The following CNTNAP2 variants were observed in gnomAD, a reference collection of about 807,000 sequenced individuals.
CNTNAP2 encodes the protein contactin-associated protein-like 2.
A neutral mutation model predicts 155.2 loss-of-function variants in CNTNAP2; 98 were observed. That is an observed-to-expected ratio of 0.63 (90% confidence interval 0.54 to 0.75). The LOEUF (loss-of-function observed/expected upper bound fraction) is 0.75, where lower values mean the gene tolerates loss of function less well. Among genes scored for constraint, CNTNAP2 ranks in the 30% least tolerant of loss-of-function variants. The pLI is 0.00. For missense variants in CNTNAP2, 1,727 were observed against 1,688.1 expected (o/e 1.02, Z -0.40); for synonymous variants, 651 against 631.2 (o/e 1.03, Z -0.47).
At chr7:147,350,800 A>G (rs1795955165) in intron 9 of CNTNAP2, among the ~76,000 whole-genome samples, 1 of 151,862 alleles carries the variant, frequency 6.6e-6, no homozygotes, top group Non-Finnish European at 1.5e-5. Context: ...AATAGGAACT[A>G]TTTGTTCCTA....
At chr7:146,698,255 CTCTT>C (rs1156418936) in intron 1 of CNTNAP2, among the ~76,000 whole-genome samples, 7 of 151,922 alleles carry the variant, frequency 4.6e-5, no homozygotes, top group African/African-American at 1.5e-4. Context: ...TTCTTAAATA[CTCTT>C]TCTTTATGTA....
chr7:148,251,919 C>T lies in CNTNAP2; in HGVS notation c.3382-15114C>T, dbSNP rs566424422. Among the ~76,000 whole-genome samples the T allele has an allele frequency of 3.9e-5, 6 of 152,314 alleles. No homozygotes were observed. In the South Asian group the frequency reaches 6.2e-4, roughly 16 times the overall value. On this transcript the variant is annotated intron_variant, in intron 20 of 23. Transcript: ENST00000361727. The stretch of plus-strand genomic sequence containing the variant: ...CATGCTGTAGCCCCAGTTCCATATA[C>T]GTACCACAGCCACCAACACAGGAGC...
intron 1 of CNTNAP2, among the ~76,000 whole-genome samples, chr7:146,468,181 T>C (rs969289957): frequency 6.6e-6 from 1 of 151,990 alleles, no homozygotes; most frequent in Non-Finnish European, 1.5e-5. Context: ...CGAAGAAAAC[T>C]AAGAATAATA....
chr7:147,636,199 C>A (rs892883477), intron 12 of CNTNAP2, among the ~76,000 whole-genome samples: 2 of 152,004 alleles, frequency 1.3e-5, no homozygotes, highest in African/African-American at 2.4e-5. Context: ...AAATATATTA[C>A]CATGGGGGAC....
chr7:146,924,741 T>C (rs540840257), intron 3 of CNTNAP2, among the ~76,000 whole-genome samples: 2 of 152,278 alleles, frequency 1.3e-5, no homozygotes, highest in South Asian at 4.1e-4. Flanking sequence ...ATCTTAATTG[T>C]AGTTCTCATT....
At chr7:147,286,833 A>T (rs1313950173) in intron 8 of CNTNAP2, among the ~76,000 whole-genome samples, 1 of 151,962 alleles carries the variant, frequency 6.6e-6, no homozygotes, top group African/African-American at 2.4e-5. Context: ...TCTCCTTCAC[A>T]TTCTCAAATC....
chr7:146,978,688 A>T (rs1481309707), intron 3 of CNTNAP2, among the ~76,000 whole-genome samples: 1 of 151,446 alleles, frequency 6.6e-6, no homozygotes, highest in Non-Finnish European at 1.5e-5. Flanking sequence ...GTCCAAATTT[A>T]GATAATAAGA....
At chr7:147,240,101 C>T (rs568693566) in intron 8 of CNTNAP2, among the ~76,000 whole-genome samples, 6 of 152,096 alleles carry the variant, frequency 3.9e-5, no homozygotes, top group South Asian at 4.2e-4. Context: ...ATCCATAGAA[C>T]GAGGACAACC....
At chr7:148,208,563 G>C (rs552676743) in intron 18 of CNTNAP2, among the ~76,000 whole-genome samples, 1 of 152,292 alleles carries the variant, frequency 6.6e-6, no homozygotes, top group South Asian at 2.1e-4. Context: ...AAACCAAAGA[G>C]AGTTTCCAAA....
At chr7:148,102,146 G>C (rs1052538140) in intron 15 of CNTNAP2, among the ~76,000 whole-genome samples, 4 of 152,146 alleles carry the variant, frequency 2.6e-5, no homozygotes, top group African/African-American at 9.6e-5. Context: ...CCACCCTCAA[G>C]TAGGCCCCTG....
At chr7:148,058,839 G>A (rs915116367) in intron 15 of CNTNAP2, among the ~76,000 whole-genome samples, 2 of 152,122 alleles carry the variant, frequency 1.3e-5, no homozygotes, top group African/African-American at 4.8e-5. Flanking sequence ...TCAAAAAATA[G>A]CCCAGGTGTT....
chr7:147,702,911 G>A (rs550428703), intron 13 of CNTNAP2, among the ~76,000 whole-genome samples: 2 of 152,068 alleles, frequency 1.3e-5, no homozygotes, highest in African/African-American at 4.8e-5. Flanking sequence ...CCTGCTTGTA[G>A]CAATGAAACT....
At chr7:146,953,296 A>G (rs902814947) in intron 3 of CNTNAP2, among the ~76,000 whole-genome samples, 1 of 152,042 alleles carries the variant, frequency 6.6e-6, no homozygotes, top group African/African-American at 2.4e-5. Context: ...AGTAGAATGT[A>G]TGTGTACTTA....
At chr7:147,344,798 T>C (rs940618172) in intron 9 of CNTNAP2, among the ~76,000 whole-genome samples, 1 of 152,152 alleles carries the variant, frequency 6.6e-6, no homozygotes, top group African/African-American at 2.4e-5. Context: ...CTTTTTTTAA[T>C]AAACGTACAT....
intron 1 of CNTNAP2, among the ~76,000 whole-genome samples, chr7:146,749,803 T>C (rs1233607243): frequency 3.3e-5 from 5 of 152,162 alleles, no homozygotes; most frequent in Non-Finnish European, 7.3e-5. Context: ...ACCTCAATAT[T>C]TGGAGGATCT....
At chr7:147,579,554 C>A (rs1391145622) in intron 12 of CNTNAP2, among the ~76,000 whole-genome samples, 1 of 152,080 alleles carries the variant, frequency 6.6e-6, no homozygotes, top group Non-Finnish European at 1.5e-5. Context: ...TAGCCAATTT[C>A]TGATAGATAG....
chr7:147,769,204 GT>G (rs1374949644), intron 13 of CNTNAP2, among the ~76,000 whole-genome samples: 3 of 152,072 alleles, frequency 2.0e-5, no homozygotes, highest in Non-Finnish European at 4.4e-5. Flanking sequence ...ATCAAATTAT[GT>G]ATCATCAGAA....
At position 147,244,090 on chromosome 7, in the gene CNTNAP2, T is replaced by TCTC. The variant is rs1415840567; in HGVS notation, c.1349-56050_1349-56048dup. ...TAAATCTAAATTCTTCAACTGTCAT[T>TCTC]CTCTCCCAAGACACTTCACCCTTTG... On this transcript the variant is annotated intron_variant, in intron 8 of 23. Transcript: ENST00000361727. Among the ~76,000 whole-genome samples, 11 of 152,304 alleles carry TCTC rather than the reference T, an allele frequency of 7.2e-5. No individual in the cohort carries two copies. The East Asian group carries it at 1.9e-3, about 27-fold the overall frequency.
intron 1 of CNTNAP2, among the ~76,000 whole-genome samples, chr7:146,762,369 G>A (rs1335302605): frequency 6.6e-6 from 1 of 152,124 alleles, no homozygotes; most frequent in Non-Finnish European, 1.5e-5. Context: ...GGGAGGCCGA[G>A]GCGGGAGGAT....
Sources: allele counts gnomAD v4.1 joint callset (sites outside exome capture counted in the v4.1 genomes callset), GRCh38; gene constraint gnomAD v4.1.1; transcripts MANE v1.5; gene names NCBI Gene and HGNC (gene_info 2026-07-23, HGNC 2026-07-21).